NACA: variants seen among roughly 807,000 people sequenced by gnomAD.
NACA encodes the protein nascent polypeptide-associated complex subunit alpha.
A neutral mutation model predicts 86.4 loss-of-function variants in NACA; 42 were observed. The observed-to-expected ratio is 0.49, with a 90% CI of 0.38 to 0.63. NACA has a LOEUF of 0.63. NACA is among the 20% of genes least tolerant of loss of function. NACA has a pLI of 0.00. For missense variants in NACA, 2,157 were observed against 2,483.6 expected (o/e 0.87, Z 2.80); for synonymous variants, 898 against 973.7 (o/e 0.92, Z 1.45).
At position 56,716,470 on chromosome 12, in the gene NACA, G is replaced by A; in HGVS notation, c.5060C>T (p.Ala1687Val). Reference sequence around the variant, plus strand: ...GATTGGCGTGCTTTCTGGAGCTGGGGCAACAAGTACTTCTTTCAGAGCTGT... The same window carrying A: ...GATTGGCGTGCTTTCTGGAGCTGGGACAACAAGTACTTCTTTCAGAGCTGT... ...GPTALKEVLVAPAPESTPIIT... is the reference protein window; with the variant it reads ...GPTALKEVLVVPAPESTPIIT... Residue 1687 changes from alanine to valine, a missense_variant, in exon 3 of 9, where the codon GCC (alanine) becomes GTC (valine). By Grantham distance (64) the Ala-to-Val change is moderately conservative. Coordinates refer to ENST00000454682, the MANE Select transcript of NACA (RefSeq NM_001365896.1). 6.4e-7 allele frequency: 1 copy of A among 1,554,154 alleles called. No individual in the cohort carries two copies. Among genetic ancestry groups the A allele is most frequent in the African/African-American group, 1.3e-5 (1 of 74,084 alleles).
chr12:56,719,533 G>C lies in NACA; in HGVS notation c.1997C>G (p.Thr666Ser), dbSNP rs1953510829. Residue 666 changes from threonine to serine, a missense_variant, in exon 3 of 9, where the codon ACC (threonine) becomes AGC (serine). By Grantham distance (58) the Thr-to-Ser change is moderately conservative (BLOSUM62 1). Around this residue, in one of 8 missense-constraint regions of NACA, gnomAD observed 947 missense variants for 917.9 expected, o/e 1.03. Coordinates refer to ENST00000454682, the MANE Select transcript of NACA (RefSeq NM_001365896.1). ...GCTGGCTGTAGTTGTATAAGTTGAG[G>C]TACCTTTGGCAGTTGTGGGAGCCAC... is the stretch of plus-strand genomic sequence containing the variant. ...AGVAPTTAKG[T>S]STYTTTASPF... 2 of 1,613,822 alleles carry C rather than the reference G, an allele frequency of 1.2e-6. No individual in the cohort carries two copies. Among genetic ancestry groups the C allele is most frequent in the African/African-American group, 2.7e-5 (2 of 74,922 alleles).
chr12:56,717,487 G>C lies in NACA; in HGVS notation c.4043C>G (p.Thr1348Ser), dbSNP rs1269490544. 2.1e-5 allele frequency: 29 copies of C among 1,361,190 alleles called. No homozygotes were observed. The highest frequency in any genetic ancestry group is 2.8e-5 in the Non-Finnish European group (29 of 1,031,658). The allele number at this position is 1,361,190 out of a possible 1,614,324, so 84.3% of individuals were successfully genotyped here. The change falls in exon 3 of 9, where the codon ACT (threonine) becomes AGT (serine). Residue 1348 changes from threonine (T) to serine (S), a missense_variant. By Grantham distance (58) the Thr-to-Ser change is moderately conservative. This residue lies in a region of NACA where 797 missense variants were observed against 777.6 expected (regional missense o/e 1.02). Transcript: ENST00000454682. ...VTPPSPKGTP[T>S]LPATTPSSKG... ...AGAGGAGGGAGTTGTAGCTGGGAGA[G>C]TAGGGGTCCCTTTAGGGGAGGGAGG...
At position 56,717,053 on chromosome 12, in the gene NACA, C is replaced by A; in HGVS notation, c.4477G>T (p.Ala1493Ser). 8.0e-7 allele frequency: 1 copy of A among 1,245,054 alleles called. No homozygotes were observed. The highest frequency in any genetic ancestry group is 1.0e-6 in the Non-Finnish European group (1 of 977,240). The allele number at this position is 1,245,054 out of a possible 1,614,324, so 77.1% of individuals were successfully genotyped here. A position where few individuals can be genotyped will look rare whatever the true frequency, so the allele number is the denominator to read the frequency against. The change falls in exon 3 of 9, where the codon GCC becomes TCC. Residue 1493 changes from alanine (A) to serine (S), a missense_variant. Ala to Ser is a moderately conservative substitution (Grantham distance 99). Around this residue, in one of 8 missense-constraint regions of NACA, gnomAD observed 797 missense variants for 777.6 expected, o/e 1.02. Transcript: ENST00000454682. ...CCCATGGGGGCTGGAGTTGCTGGGG[C>A]CTTTTTGGGAGAGGAAGAAGTGGCA... The part of the protein sequence containing the change: ...QVATSSSPKK[A>S]PATPAPMGAP...
At chr12:56,712,630 A>G (rs1953249710) in intron 8 of NACA, 78 bp from the exon 9 acceptor site, 8 of 1,597,558 alleles carry the variant, frequency 5.0e-6, no homozygotes, top group Non-Finnish European at 6.0e-6. Context: ...CTTACAGGCA[A>G]ATCAGGAGAA....
rs539783910 is a variant in NACA at position 56,723,103 on chromosome 12, C to T, written c.70+1349G>A. ...AAACATGGAATATGTTTTCTTCTGA[C>T]TGGACCTCAAATGGAATAAGCACTC... is the stretch of plus-strand genomic sequence containing the variant. On this transcript the variant is annotated intron_variant, in intron 2 of 8. Transcript: ENST00000454682. 2.0e-4 allele frequency among the ~76,000 whole-genome samples: 31 copies of T among 152,298 alleles called. 1 individual carries two copies. In the South Asian group the frequency reaches 2.1e-3, roughly 10 times the overall value.
Position 56,713,490 on chromosome 12 carries a change from G to A in NACA, c.5970+47C>T, listed in dbSNP as rs754404666. Reference sequence around the variant, plus strand: ...GACGCAAAATGTCAGCAGTGCTGAGGTTGAGAAACCCTGGTCTGGAACAAT... The same window carrying A: ...GACGCAAAATGTCAGCAGTGCTGAGATTGAGAAACCCTGGTCTGGAACAAT... On this transcript the variant is annotated intron_variant, in intron 6 of 8. Transcript: ENST00000454682. 4 of 1,601,616 alleles carry A rather than the reference G, an allele frequency of 2.5e-6. No individual in the cohort carries two copies. In the South Asian group the frequency reaches 3.3e-5, roughly 13 times the overall value.
intron 2 of NACA, 66 bp downstream of exon 2, chr12:56,724,386 C>T: frequency 6.7e-7 from 1 of 1,497,842 alleles, no homozygotes; most frequent in South Asian, 1.2e-5. Flanking sequence ...TCCCCTTGGT[C>T]ATTTTGCCCA....
intron 7 of NACA, 55 bp from the exon 8 acceptor site, chr12:56,712,963 T>G: frequency 6.2e-7 from 1 of 1,612,730 alleles, no homozygotes; most frequent in Non-Finnish European, 8.5e-7. Flanking sequence ...ATTTCAGCAG[T>G]TCTTTGGAGT....
chr12:56,724,274 T>C (rs1224340678), intron 2 of NACA, among the ~76,000 whole-genome samples, 178 bp downstream of exon 2: 1 of 152,208 alleles, frequency 6.6e-6, no homozygotes, highest in African/African-American at 2.4e-5. Context: ...CTTAAAAATA[T>C]TATTTTTACT....
chr12:56,720,647 G>T lies in NACA; in HGVS notation c.883C>A (p.Pro295Thr), dbSNP rs1305246433. ...ATGGGAAAATCTGGGGGGGTGTTGG[G>T]ACCCGCAGTCTTTTGAGAAGAGGTC... ...VVTSSQKTAG[P>T]NTPPDFPISL... The change falls in exon 3 of 9, where the codon CCC becomes ACC. Residue 295 changes from proline to threonine, a missense_variant. Coordinates refer to ENST00000454682, the MANE Select transcript of NACA (RefSeq NM_001365896.1). The T allele has an allele frequency of 6.2e-7, 1 of 1,613,964 alleles. No homozygotes were observed. The highest frequency in any genetic ancestry group is 2.2e-5 in the East Asian group (1 of 44,890).
In NACA at chr12:56,712,467, G is replaced by GA. The variant is rs745383357; in HGVS notation, c.*70dup. On this transcript the variant is annotated 3_prime_UTR_variant, in exon 9 of 9. Coordinates refer to ENST00000454682, the MANE Select transcript of NACA (RefSeq NM_001365896.1). ...AGAAGCCATAACTTTATTTATGATA[G>GA]AAACAGTACAAATTTCAAACCAAGC... The GA allele has an allele frequency of 1.3e-6, 2 of 1,486,252 alleles. No homozygotes were observed. The highest frequency in any genetic ancestry group is 3.6e-5 in the Admixed American group (2 of 55,678). The allele number at this position is 1,486,252 out of a possible 1,614,324, so 92.1% of individuals were successfully genotyped here.
At position 56,715,956 on chromosome 12, in the gene NACA, G is replaced by A; in HGVS notation, c.5574C>T (p.Val1858=). The A allele has an allele frequency of 6.5e-7, 1 of 1,547,420 alleles. No homozygotes were observed. Among genetic ancestry groups the A allele is most frequent in the Admixed American group, 2.0e-5 (1 of 50,546 alleles). ...PISGGVPFQS[V]LVNMPTPKSA... ...ATTTAGGGGTGGGCATGTTGACGAG[G>A]ACCGACTGGAAAGGCACTCCCCCAG... Residue 1858 remains valine (V), a synonymous_variant, in exon 3 of 9, where the codon GTC becomes GTT. Transcript: ENST00000454682.
intron 4 of NACA, 49 bp downstream of exon 4, chr12:56,714,553 A>G (rs776010027): frequency 6.2e-7 from 1 of 1,609,820 alleles, no homozygotes; most frequent in Non-Finnish European, 8.5e-7. Context: ...AGTTGCCCTG[A>G]TCAACCCTGC....
chr12:56,723,366 C>T (rs534833988), intron 2 of NACA, among the ~76,000 whole-genome samples: 7 of 152,144 alleles, frequency 4.6e-5, no homozygotes, highest in East Asian at 1.9e-4. Flanking sequence ...TTCAAATCTT[C>T]GTATTTGTAA....
chr12:56,712,641 T>G (rs1024368439), intron 8 of NACA, 89 bp from the exon 9 acceptor site: 4 of 1,595,306 alleles, frequency 2.5e-6, no homozygotes, highest in Non-Finnish European at 3.4e-6. Context: ...ATCAGGAGAA[T>G]TTAGGCCACT....
chr12:56,716,892 C>A lies in NACA; in HGVS notation c.4638G>T (p.Glu1546Asp). The A allele has an allele frequency of 7.7e-7, 1 of 1,300,264 alleles. No individual in the cohort carries two copies. Among genetic ancestry groups the A allele is most frequent in the Non-Finnish European group, 1.0e-6 (1 of 1,004,294 alleles). The allele number at this position is 1,300,264 out of a possible 1,614,324, so 80.5% of individuals were successfully genotyped here. A position where few individuals can be genotyped will look rare whatever the true frequency, so the allele number is the denominator to read the frequency against. ...KKTPATLAPKEALIPPAMTVP... is the reference protein window; with the variant it reads ...KKTPATLAPKDALIPPAMTVP... ...CAGTCATAGCTGGGGGAATGAGGGC[C>A]TCTTTGGGGGCTAGAGTTGCTGGGG... The change falls in exon 3 of 9, where the codon GAG (glutamate) becomes GAT (aspartate). Residue 1546 changes from glutamate (E) to aspartate (D), a missense_variant. Glu to Asp is a conservative substitution (Grantham distance 45). Coordinates refer to ENST00000454682, the MANE Select transcript of NACA (RefSeq NM_001365896.1).
chr12:56,716,759 TGTA>T lies in NACA; in HGVS notation c.4768_4770del (p.Tyr1590del), dbSNP rs1953379919. The stretch of plus-strand genomic sequence containing the variant: ...AGCTCTTTGGGGGATGGGGCCCCTT[TGTA>T]AGTGGAAGGAGTCACTGCTGGGGGA... On this transcript the variant is annotated inframe_deletion, in exon 3 of 9. Coordinates refer to ENST00000454682, the MANE Select transcript of NACA (RefSeq NM_001365896.1). 1 of 1,371,438 alleles carries T rather than the reference TGTA, an allele frequency of 7.3e-7. No homozygotes were observed. The highest frequency in any genetic ancestry group is 3.1e-5 in the East Asian group (1 of 32,636). 85.0% of individuals were successfully genotyped at this position (1,371,438 alleles called of 1,614,324 possible). A position where few individuals can be genotyped will look rare whatever the true frequency, so the allele number is the denominator to read the frequency against.
At position 56,718,147 on chromosome 12, in the gene NACA, GTTGTGGGT is replaced by G. The variant is rs1953446291; in HGVS notation, c.3375_3382del (p.Thr1127SerfsTer215). On this transcript the variant is annotated frameshift_variant, in exon 3 of 9. Coordinates refer to ENST00000454682, the MANE Select transcript of NACA (RefSeq NM_001365896.1). LOFTEE classifies it high-confidence loss of function. Reference sequence around the variant, plus strand: ...TGGGGAGGGAGGAGTTGCAGCTGGGGTTGTGGGTGCCCCTTTGTGGGGTGGGGTAGCTA... The same window carrying G: ...TGGGGAGGGAGGAGTTGCAGCTGGGGGCCCCTTTGTGGGGTGGGGTAGCTA... 6.4e-3 allele frequency: 3,782 copies of G among 594,334 alleles called. 1,620 individuals are homozygous for G. The highest frequency in any genetic ancestry group is 9.4e-3 in the South Asian group (105 of 11,134). The allele number at this position is 594,334 out of a possible 1,614,324, so 36.8% of individuals were successfully genotyped here.
chr12:56,719,324 A>G lies in NACA; in HGVS notation c.2206T>C (p.Ser736Pro). 1 of 1,605,568 alleles carries G rather than the reference A, an allele frequency of 6.2e-7. No homozygotes were observed. Among genetic ancestry groups the G allele is most frequent in the South Asian group, 1.1e-5 (1 of 90,014 alleles). Reference protein sequence around the residue: ...LAPEIPKSVPSPSLPPAGTPP... With the variant: ...LAPEIPKSVPPPSLPPAGTPP... ...GTCCCAGCTGGGGGAAGAGAGGGTGAGGGCACAGACTTTGGGATTTCAGGG... is the reference window on the plus strand; with the variant it reads ...GTCCCAGCTGGGGGAAGAGAGGGTGGGGGCACAGACTTTGGGATTTCAGGG... The change falls in exon 3 of 9, where the codon TCA (serine) becomes CCA (proline). Residue 736 changes from serine (S) to proline (P), a missense_variant. Around this residue, in one of 8 missense-constraint regions of NACA, gnomAD observed 947 missense variants for 917.9 expected, o/e 1.03. Transcript: ENST00000454682.
Sources: gnomAD v4.1 joint callset for allele counts (sites outside exome capture counted in the v4.1 genomes callset) on GRCh38, gnomAD v4.1.1 for gene constraint, gnomAD v4.1.1 regional missense constraint, MANE v1.5 for transcripts, NCBI Gene and HGNC (gene_info 2026-07-23, HGNC 2026-07-21) for gene names.